ALPK1: variants seen among roughly 807,000 people sequenced by gnomAD.
The protein encoded by ALPK1 is alpha kinase 1.
In ALPK1, 110 loss-of-function variants were observed where a neutral mutation model predicts 120.6. That is an observed-to-expected ratio of 0.91 (90% CI 0.78 to 1.07). ALPK1 has a LOEUF of 1.07. ALPK1 is among the 50% of genes least tolerant of loss of function. The probability of loss-of-function intolerance (pLI) is 0.00; values close to 1 mark genes in which losing one functional copy is unlikely to be tolerated. For missense variants in ALPK1, 1,498 were observed against 1,483.9 expected (o/e 1.01, Z -0.16); for synonymous variants, 582 against 560.3 (o/e 1.04, Z -0.55).
Position 112,430,473 on chromosome 4 carries a change from C to T in ALPK1, c.926C>T (p.Ser309Phe). 1.9e-6 allele frequency: 3 copies of T among 1,609,910 alleles called. No individual in the cohort carries two copies. The highest frequency in any genetic ancestry group is 2.5e-6 in the Non-Finnish European group (3 of 1,177,958). Residue 309 changes from serine to phenylalanine, a missense_variant, in exon 11 of 16, where the codon TCC becomes TTC. Physicochemically the swap from Ser to Phe is radical, Grantham distance 155. Coordinates refer to ENST00000650871, the MANE Select transcript of ALPK1 (RefSeq NM_025144.4). Reference protein sequence around the residue: ...AVNIRGTCLLSYSSSNDCPPE... With the variant: ...AVNIRGTCLLFYSSSNDCPPE... ...AATATCCGTGGCACGTGTTTATTGTCCTACAGTAGTTCAAATGACTGTCCT... is the reference window on the plus strand; with the variant it reads ...AATATCCGTGGCACGTGTTTATTGTTCTACAGTAGTTCAAATGACTGTCCT...
intron 4 of ALPK1, among the ~76,000 whole-genome samples, chr4:112,389,076 G>C (rs1209361018): frequency 2.1e-5 from 3 of 143,230 alleles, no homozygotes; most frequent in Admixed American, 7.4e-5. Context: ...ACAGCATCTC[G>C]CTCTGTTGTC....
chr4:112,338,975 C>T (rs940903422), intron 2 of ALPK1, among the ~76,000 whole-genome samples: 1 of 152,192 alleles, frequency 6.6e-6, no homozygotes, highest in Non-Finnish European at 1.5e-5. Flanking sequence ...TGCTGTAAAG[C>T]CTCTCTAGCA....
chr4:112,411,431 G>A (rs954757140), intron 4 of ALPK1, among the ~76,000 whole-genome samples: 1 of 152,088 alleles, frequency 6.6e-6, no homozygotes, highest in African/African-American at 2.4e-5. Context: ...CACCATGTTG[G>A]CCAGGCTGGT....
chr4:112,364,043 C>T (rs774463237), intron 2 of ALPK1, among the ~76,000 whole-genome samples: 28 of 152,082 alleles, frequency 1.8e-4, no homozygotes, highest in Non-Finnish European at 3.8e-4. Flanking sequence ...ATCAAAACCT[C>T]TGGGATACGG....
intron 2 of ALPK1, among the ~76,000 whole-genome samples, chr4:112,323,447 C>A (rs1005968375): frequency 6.6e-6 from 1 of 152,146 alleles, no homozygotes; most frequent in Non-Finnish European, 1.5e-5. Flanking sequence ...ATCCTTATAT[C>A]ACCTTACAGA....
chr4:112,440,783 G>A (rs946959861), intron 14 of ALPK1, 134 bp from the exon 15 acceptor site: 6 of 1,380,918 alleles, frequency 4.3e-6, no homozygotes, highest in Non-Finnish European at 5.6e-6. Flanking sequence ...TAAACCACAG[G>A]ATGGCCAAGT....
At chr4:112,322,148 T>C (rs1336479046) in intron 2 of ALPK1, among the ~76,000 whole-genome samples, 1 of 152,218 alleles carries the variant, frequency 6.6e-6, no homozygotes, top group African/African-American at 2.4e-5. Flanking sequence ...ACATAAACAT[T>C]GTCACAGAAT....
chr4:112,370,639 A>G (rs887660250), intron 2 of ALPK1, among the ~76,000 whole-genome samples: 30 of 152,234 alleles, frequency 2.0e-4, no homozygotes, highest in African/African-American at 7.0e-4. Context: ...CCTGGGCTCC[A>G]GCCTCTGTTA....
At position 112,417,115 on chromosome 4, in the gene ALPK1, T is replaced by C. The variant is rs1272220071; in HGVS notation, c.475+5090T>C. On this transcript the variant is annotated intron_variant, in intron 5 of 15. Transcript: ENST00000650871. ...CCTCGGATTTTATACCTAGCAAAAT[T>C]GTCATTCAAAAGTGAGGATAAAATA... Among the ~76,000 whole-genome samples, 4 of 152,204 alleles carry C rather than the reference T, an allele frequency of 2.6e-5. No homozygotes were observed. In the East Asian group the frequency reaches 7.7e-4, roughly 29 times the overall value.
At chr4:112,300,950 G>C (rs566520862) in intron 1 of ALPK1, among the ~76,000 whole-genome samples, 1 of 151,956 alleles carries the variant, frequency 6.6e-6, no homozygotes, top group South Asian at 2.1e-4. Context: ...GGTTACTGTG[G>C]TGCATTCTCC....
At position 112,418,472 on chromosome 4, in the gene ALPK1, A is replaced by G. The variant is rs115852961; in HGVS notation, c.476-5472A>G. On this transcript the variant is annotated intron_variant, in intron 5 of 15. Transcript: ENST00000650871. ...GAGACAGATGCTACAGAAGTCACCT[A>G]TGTTGCAGGAGTCAGGCACAGGGAA... Among the ~76,000 whole-genome samples, 946 of 152,334 alleles carry G rather than the reference A, an allele frequency of 6.2e-3. 9 individuals are homozygous for G. Among genetic ancestry groups the G allele is most frequent in the African/African-American group, 0.021 (887 of 41,578 alleles).
chr4:112,326,352 G>A (rs1424497658), intron 2 of ALPK1, among the ~76,000 whole-genome samples: 2 of 152,190 alleles, frequency 1.3e-5, no homozygotes, highest in Middle Eastern at 3.4e-3. Context: ...TTGAGTCGAG[G>A]GGTCATGCAA....
chr4:112,341,635 C>T (rs963730668), intron 2 of ALPK1, among the ~76,000 whole-genome samples: 3 of 151,950 alleles, frequency 2.0e-5, no homozygotes, highest in Non-Finnish European at 4.4e-5. Context: ...TAATGATGTG[C>T]GAGATGGTAG....
At chr4:112,373,909 G>A (rs1731532113) in intron 2 of ALPK1, among the ~76,000 whole-genome samples, 1 of 152,182 alleles carries the variant, frequency 6.6e-6, no homozygotes, top group East Asian at 1.9e-4. Flanking sequence ...GATTATCTGA[G>A]CCTTCAGCAA....
chr4:112,354,762 C>T (rs1016369742), intron 2 of ALPK1, among the ~76,000 whole-genome samples: 1 of 152,136 alleles, frequency 6.6e-6, no homozygotes, highest in African/African-American at 2.4e-5. Context: ...GTCACCATGC[C>T]TGGACTGTAA....
At chr4:112,396,593 AT>A (rs1171018130) in intron 4 of ALPK1, among the ~76,000 whole-genome samples, 1 of 152,194 alleles carries the variant, frequency 6.6e-6, no homozygotes, top group African/African-American at 2.4e-5. Context: ...TCATTAATAA[AT>A]TTAAATGGAA....
At chr4:112,363,833 T>C (rs923854934) in intron 2 of ALPK1, among the ~76,000 whole-genome samples, 1 of 152,110 alleles carries the variant, frequency 6.6e-6, no homozygotes, top group African/African-American at 2.4e-5. Context: ...TCAACAAATT[T>C]AAGAAAATCA....
At chr4:112,299,622 C>G (rs930061008) in intron 1 of ALPK1, among the ~76,000 whole-genome samples, 1 of 152,136 alleles carries the variant, frequency 6.6e-6, no homozygotes, top group African/African-American at 2.4e-5. Flanking sequence ...TGGATATTTT[C>G]TTAGCCAGTG....
chr4:112,404,904 C>T (rs1733097481), intron 4 of ALPK1, among the ~76,000 whole-genome samples: 1 of 152,160 alleles, frequency 6.6e-6, no homozygotes, highest in Non-Finnish European at 1.5e-5. Flanking sequence ...AGTCTCCCTA[C>T]CGAAGCAGTA....
Sources: allele counts gnomAD v4.1 joint callset (sites outside exome capture counted in the v4.1 genomes callset), GRCh38; gene constraint gnomAD v4.1.1; transcripts MANE v1.5; gene names NCBI Gene and HGNC (gene_info 2026-07-23, HGNC 2026-07-21).